CSNK1D: variants seen among roughly 807,000 people sequenced by gnomAD.
The protein encoded by CSNK1D is casein kinase 1 delta.
A neutral mutation model predicts 46.6 loss-of-function variants in CSNK1D; 16 were observed. The observed-to-expected ratio is 0.34, with a 90% confidence interval of 0.23 to 0.52. CSNK1D has a LOEUF of 0.52. Among genes scored for constraint, CSNK1D ranks in the 20% least tolerant of loss-of-function variants. CSNK1D has a pLI of 0.95. For missense variants in CSNK1D, 398 were observed against 578.4 expected, an observed-to-expected ratio of 0.69 and a Z score of 3.20; for synonymous variants, 276 against 228.2, an observed-to-expected ratio of 1.21 and a Z score of -1.89.
Position 82,255,130 on chromosome 17 carries a change from G to A in CSNK1D, c.336+299C>T, listed in dbSNP as rs1411223837. The A allele has an allele frequency of 3.3e-5, 14 of 429,398 alleles. No individual in the cohort carries two copies. Among genetic ancestry groups the A allele is most frequent in the Non-Finnish European group, 4.7e-5 (11 of 233,432 alleles). The allele number at this position is 429,398 out of a possible 1,614,324, so 26.6% of individuals were successfully genotyped here. A position where few individuals can be genotyped will look rare whatever the true frequency, so the allele number is the denominator to read the frequency against. The stretch of plus-strand genomic sequence containing the variant: ...CGAGAAGCCAGTGAGCTGAGCCGTC[G>A]GAGCCTCCAGAAGCCAGTGAGCTGG... On this transcript the variant is annotated intron_variant, in intron 3 of 8. Coordinates refer to ENST00000314028, the MANE Select transcript of CSNK1D (RefSeq NM_001893.6). The surrounding 1 kb of genome is among the most constrained non-coding windows in gnomAD (Gnocchi z 5.9).
chr17:82,251,690 C>T lies in CSNK1D; in HGVS notation c.737-163G>A, dbSNP rs1008388230. On this transcript the variant is annotated intron_variant, in intron 5 of 8. Transcript: ENST00000314028. This position sits in a 1 kb window ranked among gnomAD's most constrained non-coding sequence, Gnocchi z 4.5. The stretch of plus-strand genomic sequence containing the variant: ...AAGACCTGAAGCCTTGAGAAAGCAT[C>T]GAAAAGTATTCAAGTCACGGCCGGG... 1.2e-5 allele frequency: 10 copies of T among 805,074 alleles called. No homozygotes were observed. The highest frequency in any genetic ancestry group is 1.7e-5 in the Non-Finnish European group (8 of 479,796). 49.9% of individuals were successfully genotyped at this position (805,074 alleles called of 1,614,324 possible). A position where few individuals can be genotyped will look rare whatever the true frequency, so the allele number is the denominator to read the frequency against.
At chr17:82,266,549 C>T (rs1324609788) in intron 1 of CSNK1D, among the ~76,000 whole-genome samples, 4 of 152,182 alleles carry the variant, frequency 2.6e-5, no homozygotes, top group African/African-American at 9.7e-5. Context: ...AGAAATGTTC[C>T]ATCTCTGCTT....
In CSNK1D at chr17:82,249,742, T is replaced by C; in HGVS notation, c.886-140A>G. ...ACTGCCTGCAAAGCCCCCCACAGGC[T>C]GCACGTTTCTCCTCATGGGATGACA... On this transcript the variant is annotated intron_variant, in intron 6 of 8. Coordinates refer to ENST00000314028, the MANE Select transcript of CSNK1D (RefSeq NM_001893.6). The surrounding 1 kb of genome is among the most constrained non-coding windows in gnomAD (Gnocchi z 6.7). 2 of 1,500,114 alleles carry C rather than the reference T, an allele frequency of 1.3e-6. No homozygotes were observed. Among genetic ancestry groups the C allele is most frequent in the Non-Finnish European group, 8.9e-7 (1 of 1,127,160 alleles). The allele number at this position is 1,500,114 out of a possible 1,614,324, so 92.9% of individuals were successfully genotyped here. A position where few individuals can be genotyped will look rare whatever the true frequency, so the allele number is the denominator to read the frequency against.
Position 82,243,467 on chromosome 17 carries a change from T to C in CSNK1D, c.*1314A>G. On this transcript the variant is annotated 3_prime_UTR_variant, in exon 9 of 9. Coordinates refer to ENST00000314028, the MANE Select transcript of CSNK1D (RefSeq NM_001893.6). ...CCTCAGGGCACAGCAGCATGGAGCC[T>C]GGGGCAGCACCAGCTCACGGAGGCC... 12 of 985,510 alleles carry C rather than the reference T, an allele frequency of 1.2e-5. No individual in the cohort carries two copies. The highest frequency in any genetic ancestry group is 1.4e-5 in the Non-Finnish European group (12 of 829,960). The allele number at this position is 985,510 out of a possible 1,614,324, so 61.0% of individuals were successfully genotyped here.
rs905988946 is a variant in CSNK1D at position 82,248,212 on chromosome 17, T to C, written c.1197+663A>G. The C allele has an allele frequency of 2.0e-6, 2 of 982,976 alleles. No homozygotes were observed. The highest frequency in any genetic ancestry group is 2.4e-6 in the Non-Finnish European group (2 of 827,968). The allele number at this position is 982,976 out of a possible 1,614,324, so 60.9% of individuals were successfully genotyped here. On this transcript the variant is annotated intron_variant, in intron 8 of 8. Coordinates refer to ENST00000314028, the MANE Select transcript of CSNK1D (RefSeq NM_001893.6). This position sits in a 1 kb window ranked among gnomAD's most constrained non-coding sequence, Gnocchi z 4.1. ...TATTTGAAGAAATATAATGGATCCA[T>C]ATGGAGAAAGCTGTTCTAGTTCAAA...
intron 2 of CSNK1D, among the ~76,000 whole-genome samples, chr17:82,262,297 C>T (rs1444198938): frequency 6.6e-6 from 1 of 152,210 alleles, no homozygotes; most frequent in African/African-American, 2.4e-5. Context: ...GGCTAGAATG[C>T]CCAAGTTCAA....
rs1047277680 is a variant in CSNK1D at position 82,243,760 on chromosome 17, AG to A, written c.*1020del. ...ATACAGACGGAGTGCCAATCCGCAC[AG>A]GAGCATTGAGTGCTGAGAAAATGGA... On this transcript the variant is annotated 3_prime_UTR_variant, in exon 9 of 9. Coordinates refer to ENST00000314028, the MANE Select transcript of CSNK1D (RefSeq NM_001893.6). 1 of 985,368 alleles carries A rather than the reference AG, an allele frequency of 1.0e-6. No individual in the cohort carries two copies. The highest frequency in any genetic ancestry group is 1.7e-5 in the African/African-American group (1 of 57,236). 61.0% of individuals were successfully genotyped at this position (985,368 alleles called of 1,614,324 possible).
chr17:82,267,278 A>C (rs1194226204), intron 1 of CSNK1D, among the ~76,000 whole-genome samples: 1 of 152,044 alleles, frequency 6.6e-6, no homozygotes, highest in East Asian at 1.9e-4. Flanking sequence ...GTTTCATGAG[A>C]GTTGTGGAGA....
chr17:82,260,320 A>ATG, intron 2 of CSNK1D, among the ~76,000 whole-genome samples: 1 of 136,520 alleles, frequency 7.3e-6, no homozygotes, highest in African/African-American at 2.6e-5. Context: ...TGGTGTACTG[A>ATG]GTGATGTGAC....
rs2050931082 is a variant in CSNK1D, at chr17:82,249,169, G to T, written c.1058-155C>A. 3 of 988,806 alleles carry T rather than the reference G, an allele frequency of 3.0e-6. No individual in the cohort carries two copies. The East Asian group carries it at 7.9e-5, about 26-fold the overall frequency. 61.3% of individuals were successfully genotyped at this position (988,806 alleles called of 1,614,324 possible). ...GGCCACCAACACTCAGATCCGGCCG[G>T]AGGGACACAAAGGGACATGGGAGCG... is the stretch of plus-strand genomic sequence containing the variant. On this transcript the variant is annotated intron_variant, in intron 7 of 8. Coordinates refer to ENST00000314028, the MANE Select transcript of CSNK1D (RefSeq NM_001893.6). This position sits in a 1 kb window ranked among gnomAD's most constrained non-coding sequence, Gnocchi z 6.7.
chr17:82,249,190 G>C lies in CSNK1D; in HGVS notation c.1058-176C>G. ...GCCGGAGGGACACAAAGGGACATGG[G>C]AGCGAGGTCAAGGGGCTCACAGGGG... On this transcript the variant is annotated intron_variant, in intron 7 of 8. Transcript: ENST00000314028. This position sits in a 1 kb window ranked among gnomAD's most constrained non-coding sequence, Gnocchi z 6.7. 1.2e-6 allele frequency: 1 copy of C among 858,850 alleles called. No homozygotes were observed. Among genetic ancestry groups the C allele is most frequent in the East Asian group, 2.7e-5 (1 of 37,630 alleles). The allele number at this position is 858,850 out of a possible 1,614,324, so 53.2% of individuals were successfully genotyped here.
At chr17:82,246,106 C>T in intron 8 of CSNK1D, 1 of 1,562,172 alleles carries the variant, frequency 6.4e-7, no homozygotes, top group South Asian at 1.2e-5. Flanking sequence ...GTGTCGGCTC[C>T]ATGTCCAGAT....
downstream of CSNK1D, chr17:82,242,649 A>G (rs2050757336): frequency 2.0e-6 from 2 of 985,036 alleles, no homozygotes; most frequent in African/African-American, 1.7e-5. Flanking sequence ...TAAAGACCAC[A>G]TGGAAAGGGG....
chr17:82,253,910 C>T (rs1399464613), intron 3 of CSNK1D: 4 of 240,680 alleles, frequency 1.7e-5, no homozygotes, highest in African/African-American at 2.9e-5. Flanking sequence ...GCCGGAGCCT[C>T]GAGAAGCCAG....
At position 82,252,616 on chromosome 17, in the gene CSNK1D, A is replaced by G; in HGVS notation, c.566-12T>C. The G allele has an allele frequency of 6.2e-7, 1 of 1,612,834 alleles. No homozygotes were observed. On this transcript the variant is annotated splice_polypyrimidine_tract_variant and intron_variant, in intron 4 of 8. Coordinates refer to ENST00000314028, the MANE Select transcript of CSNK1D (RefSeq NM_001893.6). The surrounding 1 kb of genome is among the most constrained non-coding windows in gnomAD (Gnocchi z 4.6). Reference sequence around the variant, plus strand: ...TCTTCGGGATTGTTCTGAAAAGAAAAGGGAAAGGCGTGAAGAACGGCACTT... The same window carrying G: ...TCTTCGGGATTGTTCTGAAAAGAAAGGGGAAAGGCGTGAAGAACGGCACTT...
chr17:82,253,906 G>C (rs2051084130), intron 3 of CSNK1D: 1 of 252,782 alleles, frequency 4.0e-6, no homozygotes. Flanking sequence ...AGCCGCCGGA[G>C]CCTCGAGAAG....
Position 82,251,539 on chromosome 17 carries a change from GA to G in CSNK1D, c.737-13del. 6.2e-7 allele frequency: 1 copy of G among 1,613,760 alleles called. No homozygotes were observed. Among genetic ancestry groups the G allele is most frequent in the South Asian group, 1.1e-5 (1 of 91,032 alleles). The stretch of plus-strand genomic sequence containing the variant: ...TGTGGCAAATTCGGCTACAAAACAA[GA>G]AACTCAAAGCTAACTCATGAAACCC... On this transcript the variant is annotated splice_polypyrimidine_tract_variant and intron_variant, in intron 5 of 8. Coordinates refer to ENST00000314028, the MANE Select transcript of CSNK1D (RefSeq NM_001893.6). The surrounding 1 kb of genome is among the most constrained non-coding windows in gnomAD (Gnocchi z 4.5).
Position 82,249,555 on chromosome 17 carries a change from T to G in CSNK1D, c.933A>C (p.Arg311=), listed in dbSNP as rs1249413828. 1 of 1,550,672 alleles carries G rather than the reference T, an allele frequency of 6.4e-7. No individual in the cohort carries two copies. Among genetic ancestry groups the G allele is most frequent in the South Asian group, 1.2e-5 (1 of 84,426 alleles). The part of the protein sequence containing the change: ...ADDAERERRD[R]EERLRHSRNP... Reference sequence around the variant, plus strand: ...TCCGCGAGTGTCTCAGCCGCTCCTCTCGGTCCCTGCGCTCCCGCTCGGCGT... The same window carrying G: ...TCCGCGAGTGTCTCAGCCGCTCCTCGCGGTCCCTGCGCTCCCGCTCGGCGT... The change falls in exon 7 of 9, where the codon CGA becomes CGC. Residue 311 remains arginine, a synonymous_variant. Coordinates refer to ENST00000314028, the MANE Select transcript of CSNK1D (RefSeq NM_001893.6). This position sits in a 1 kb window ranked among gnomAD's most constrained non-coding sequence, Gnocchi z 6.7.
chr17:82,249,259 C>G lies in CSNK1D; in HGVS notation c.1057+172G>C. The G allele has an allele frequency of 1.2e-6, 1 of 804,162 alleles. No individual in the cohort carries two copies. Among genetic ancestry groups the G allele is most frequent in the Non-Finnish European group, 1.9e-6 (1 of 519,434 alleles). The allele number at this position is 804,162 out of a possible 1,614,324, so 49.8% of individuals were successfully genotyped here. A position where few individuals can be genotyped will look rare whatever the true frequency, so the allele number is the denominator to read the frequency against. On this transcript the variant is annotated intron_variant, in intron 7 of 8. Transcript: ENST00000314028. The surrounding 1 kb of genome is among the most constrained non-coding windows in gnomAD (Gnocchi z 6.7). ...AGGAATCACGCACACCAGCAGGTGCCGGCATTTCTAAAGGCGCCTGGGCAG... is the reference window on the plus strand; with the variant it reads ...AGGAATCACGCACACCAGCAGGTGCGGGCATTTCTAAAGGCGCCTGGGCAG...
Sources: allele counts gnomAD v4.1 joint callset (sites outside exome capture counted in the v4.1 genomes callset), GRCh38; gene constraint gnomAD v4.1.1; non-coding constraint Gnocchi (gnomAD v3.1); transcripts MANE v1.5; gene names NCBI Gene and HGNC (gene_info 2026-07-23, HGNC 2026-07-21).